Variants in PLPP4 observed in about 807,000 individuals in gnomAD.
PLPP4 encodes diacylglycerol pyrophosphate like 2.
PLPP4 carries 20 observed loss-of-function variants against 32.2 expected under a neutral mutation model. The ratio of observed to expected loss-of-function variants is 0.62; its 90% CI spans 0.44 to 0.90. The LOEUF is 0.90. Among genes scored for constraint, PLPP4 ranks in the 40% least tolerant of loss-of-function variants. The probability of loss-of-function intolerance (pLI) is 0.00; values close to 1 mark genes in which losing one functional copy is unlikely to be tolerated. For synonymous variants in PLPP4, 127 were observed against 133.0 expected (o/e 0.95, Z 0.31); for missense variants, 257 against 353.1 (o/e 0.73, Z 2.18).
chr10:120,557,054 T>C lies in PLPP4; in HGVS notation c.446-18077T>C, dbSNP rs115919990. 4.4e-3 allele frequency among the ~76,000 whole-genome samples: 669 copies of C among 152,310 alleles called. 4 individuals carry two copies. The highest frequency in any genetic ancestry group is 0.015 in the African/African-American group (640 of 41,572). On this transcript the variant is annotated intron_variant, in intron 5 of 6. Coordinates refer to ENST00000398250, the MANE Select transcript of PLPP4 (RefSeq NM_001030059.3). ...ATGTTTGTGGGGCATGTTTCATTGC[T>C]AATAATTCTCAAGGAAAATAAATAA...
chr10:120,551,102 A>G (rs114594652), intron 5 of PLPP4, among the ~76,000 whole-genome samples: 2,005 of 152,308 alleles, frequency 0.013, 44 homozygotes, highest in African/African-American at 0.046. Context: ...CAGAGACTAC[A>G]TAAAGGGAAC....
At position 120,503,851 on chromosome 10, in the gene PLPP4, C is replaced by T. The variant is rs1245397527; in HGVS notation, c.90C>T (p.Val30=). Residue 30 remains valine (V), a synonymous_variant, in exon 2 of 7, where the codon GTC becomes GTT. Transcript: ENST00000398250. ...AGTTTTTGGATCCGTTCCAGAGAGT[C>T]ATCCAGCCAGAAGAGATCTGGCTCT... ...FTEFLDPFQR[V]IQPEEIWLYK... is the part of the protein sequence containing the mutation. 5.0e-6 allele frequency: 8 copies of T among 1,613,780 alleles called. No individual in the cohort carries two copies. The African/African-American group carries it at 8.0e-5, about 16-fold the overall frequency.
intron 1 of PLPP4, among the ~76,000 whole-genome samples, chr10:120,496,871 G>C (rs1014155959): frequency 8.6e-5 from 13 of 151,774 alleles, no homozygotes. Flanking sequence ...GAGAGAGAGA[G>C]AGAGAGAAAG....
intron 5 of PLPP4, among the ~76,000 whole-genome samples, chr10:120,553,044 G>T (rs182990406): frequency 6.6e-6 from 1 of 152,316 alleles, no homozygotes; most frequent in East Asian, 1.9e-4. Context: ...TTATGAGATT[G>T]CATGGGGAAG....
chr10:120,466,870 C>T (rs1848346473), intron 1 of PLPP4, among the ~76,000 whole-genome samples: 2 of 152,116 alleles, frequency 1.3e-5, no homozygotes, highest in African/African-American at 4.8e-5. Context: ...TCTTTTCCTT[C>T]CTCCACCTCC....
intron 5 of PLPP4, among the ~76,000 whole-genome samples, chr10:120,567,668 C>CTGTT (rs138074549): frequency 4.6e-5 from 7 of 151,748 alleles, no homozygotes; most frequent in East Asian, 1.9e-4. Flanking sequence ...CATGTTGTTG[C>CTGTT]TGTTTGTTTG....
At chr10:120,528,966 GCCC>G (rs1846563539) in intron 5 of PLPP4, among the ~76,000 whole-genome samples, 6 of 128,282 alleles carry the variant, frequency 4.7e-5, no homozygotes, top group African/African-American at 1.7e-4. Context: ...CTAGGCAAGA[GCCC>G]CTCATGTTTT....
In PLPP4 at chr10:120,500,379, G is replaced by A. The variant is rs563651607; in HGVS notation, c.57-3439G>A. On this transcript the variant is annotated intron_variant, in intron 1 of 6. Coordinates refer to ENST00000398250, the MANE Select transcript of PLPP4 (RefSeq NM_001030059.3). ...ATCACAGTGTCAATCGCACCCTGTG[G>A]GTGGCAGAATATATTTCAGAGGTGG... Among the ~76,000 whole-genome samples, 230 of 152,190 alleles carry A rather than the reference G, an allele frequency of 1.5e-3. 3 individuals carry two copies. The highest frequency in any genetic ancestry group is 6.8e-3 in the Middle Eastern group (2 of 292).
intron 5 of PLPP4, among the ~76,000 whole-genome samples, chr10:120,554,300 T>A (rs1190717488): frequency 2.0e-5 from 3 of 152,158 alleles, no homozygotes; most frequent in Non-Finnish European, 4.4e-5. Context: ...CAAGAGGACC[T>A]TTATTCTAAT....
intron 1 of PLPP4, among the ~76,000 whole-genome samples, chr10:120,492,517 G>A (rs958948490): frequency 6.6e-5 from 10 of 152,210 alleles, no homozygotes; most frequent in African/African-American, 2.4e-5. Flanking sequence ...AGAACAGCCT[G>A]GCTCTTTACG....
chr10:120,531,710 G>A (rs1846731706), intron 5 of PLPP4, among the ~76,000 whole-genome samples: 1 of 151,834 alleles, frequency 6.6e-6, no homozygotes. Context: ...AATTACTTTG[G>A]TGCCTTTGCA....
upstream of PLPP4, chr10:120,457,050 C>G (rs1481212911): frequency 1.1e-5 from 2 of 184,706 alleles, no homozygotes; most frequent in African/African-American, 4.7e-5. Context: ...GAGGCGGCCC[C>G]GGCTCCGCAC....
intron 1 of PLPP4, among the ~76,000 whole-genome samples, chr10:120,491,104 G>A (rs1486988117): frequency 6.6e-6 from 1 of 152,158 alleles, no homozygotes; most frequent in Non-Finnish European, 1.5e-5. Context: ...GACAGGAGCC[G>A]AGTTCTGGAG....
At chr10:120,562,434 C>A (rs950179248) in intron 5 of PLPP4, among the ~76,000 whole-genome samples, 4 of 151,850 alleles carry the variant, frequency 2.6e-5, no homozygotes, top group African/African-American at 7.3e-5. Flanking sequence ...TTATTGAGTT[C>A]TCTTGTCTTC....
rs533715887 is a variant in PLPP4 at position 120,534,376 on chromosome 10, C to T, written c.445+13281C>T. On this transcript the variant is annotated intron_variant, in intron 5 of 6. Coordinates refer to ENST00000398250, the MANE Select transcript of PLPP4 (RefSeq NM_001030059.3). ...CTCTTGTTGCTTTAAATATTTTTTC[C>T]TTCTTTGGCATTCCTCATTTTTATT... Among the ~76,000 whole-genome samples the T allele has an allele frequency of 4.4e-4, 66 of 151,608 alleles. No homozygotes were observed. In the South Asian group the frequency reaches 4.6e-3, roughly 11 times the overall value.
intron 1 of PLPP4, among the ~76,000 whole-genome samples, chr10:120,493,437 C>T (rs552776334): frequency 6.6e-6 from 1 of 152,208 alleles, no homozygotes; most frequent in South Asian, 2.1e-4. Context: ...TGTCAGGGGC[C>T]ACAGGTAAAG....
intron 1 of PLPP4, among the ~76,000 whole-genome samples, chr10:120,489,535 TG>T (rs1564791149): frequency 6.6e-6 from 1 of 152,016 alleles, no homozygotes; most frequent in African/African-American, 2.4e-5. Context: ...CACCAACACA[TG>T]GGTGTGGCGG....
chr10:120,532,796 T>C (rs542074993), intron 5 of PLPP4, among the ~76,000 whole-genome samples: 5 of 152,338 alleles, frequency 3.3e-5, no homozygotes, highest in South Asian at 4.1e-4. Flanking sequence ...ATGTAGCATA[T>C]ATTAGTACTT....
intron 5 of PLPP4, among the ~76,000 whole-genome samples, chr10:120,524,872 C>T (rs1846318918): frequency 6.6e-6 from 1 of 152,218 alleles, no homozygotes; most frequent in African/African-American, 2.4e-5. Context: ...ATTTGTCTCT[C>T]AGAGCGTAAT....
Sources: gnomAD v4.1 joint callset for allele counts (sites outside exome capture counted in the v4.1 genomes callset) on GRCh38, gnomAD v4.1.1 for gene constraint, MANE v1.5 for transcripts, NCBI Gene and HGNC (gene_info 2026-07-23, HGNC 2026-07-21) for gene names.